The following CAMK4 variants were observed in gnomAD, a reference collection of about 807,000 sequenced individuals.
The protein encoded by CAMK4 is calcium/calmodulin-dependent protein kinase type IV.
Under a neutral mutation model 44.9 loss-of-function variants are expected in CAMK4, and 22 were observed. The ratio of observed to expected loss-of-function variants is 0.49; its 90% CI spans 0.35 to 0.70. The LOEUF (loss-of-function observed/expected upper bound fraction) is 0.70, where lower values mean the gene tolerates loss of function less well. Ranked by LOEUF, CAMK4 falls within the 30% of genes least tolerant of loss-of-function variation. The pLI is 0.01. For synonymous variants in CAMK4, 218 were observed against 215.4 expected, an observed-to-expected ratio of 1.01 and a Z score of -0.11; for missense variants, 498 against 586.8, an observed-to-expected ratio of 0.85 and a Z score of 1.56.
chr5:111,387,845 T>G (rs1400293863), intron 4 of CAMK4, among the ~76,000 whole-genome samples: 2 of 152,228 alleles, frequency 1.3e-5, no homozygotes, highest in African/African-American at 4.8e-5. Context: ...CATCTACTGA[T>G]GTCATACAAC....
chr5:111,294,869 C>G (rs1463233085), intron 1 of CAMK4, among the ~76,000 whole-genome samples: 1 of 152,104 alleles, frequency 6.6e-6, no homozygotes, highest in Non-Finnish European at 1.5e-5. Flanking sequence ...TATTAAATTG[C>G]TGCAGATGCT....
At chr5:111,351,013 C>CAA (rs1214403006) in intron 2 of CAMK4, among the ~76,000 whole-genome samples, 1 of 152,070 alleles carries the variant, frequency 6.6e-6, no homozygotes, top group African/African-American at 2.4e-5. Context: ...TCAGATTTCT[C>CAA]AGTTTTAAAA....
chr5:111,321,281 G>T (rs372406260), intron 1 of CAMK4, among the ~76,000 whole-genome samples: 2 of 152,100 alleles, frequency 1.3e-5, no homozygotes, highest in African/African-American at 4.8e-5. Context: ...AGTTAGTGTT[G>T]CTGTATTCAA....
At chr5:111,273,601 C>G (rs569483824) in intron 1 of CAMK4, among the ~76,000 whole-genome samples, 1 of 148,180 alleles carries the variant, frequency 6.7e-6, no homozygotes, top group Non-Finnish European at 1.5e-5. Flanking sequence ...GACTGCTTTT[C>G]TCTGTCCCAG....
At chr5:111,229,967 A>AGTACTTAACAG (rs2112492983) in intron 1 of CAMK4, among the ~76,000 whole-genome samples, 1 of 152,304 alleles carries the variant, frequency 6.6e-6, no homozygotes, top group East Asian at 1.9e-4. Context: ...CAGAGCACTT[A>AGTACTTAACAG]GTACTTAACA....
In CAMK4 at chr5:111,224,499, G is replaced by A. The variant is rs748901600; in HGVS notation, c.16G>A (p.Val6Met). 1.2e-6 allele frequency: 2 copies of A among 1,607,256 alleles called. No individual in the cohort carries two copies. The highest frequency in any genetic ancestry group is 4.5e-5 in the East Asian group (2 of 44,268). Residue 6 changes from valine (V) to methionine (M), a missense_variant, in exon 1 of 11, where the codon GTG (valine) becomes ATG (methionine). Transcript: ENST00000282356. The surrounding 1 kb of genome is among the most constrained non-coding windows in gnomAD (Gnocchi z 5.7). Reference sequence around the variant, plus strand: ...CGCTGCGAAGATGCTCAAAGTCACGGTGCCCTCCTGCTCCGCCTCGTCCTG... The same window carrying A: ...CGCTGCGAAGATGCTCAAAGTCACGATGCCCTCCTGCTCCGCCTCGTCCTG... The part of the protein sequence containing the change: MLKVT[V>M]PSCSASSCSS...
At chr5:111,362,982 A>G (rs1425680623) in intron 2 of CAMK4, among the ~76,000 whole-genome samples, 3 of 152,098 alleles carry the variant, frequency 2.0e-5, no homozygotes, top group African/African-American at 7.2e-5. Context: ...GATACAAATG[A>G]TGGAACACTC....
At chr5:111,235,473 G>C (rs1332813988) in intron 1 of CAMK4, among the ~76,000 whole-genome samples, 1 of 152,116 alleles carries the variant, frequency 6.6e-6, no homozygotes, top group Admixed American at 6.5e-5. Context: ...GGGACCCTGG[G>C]CTCTTCCTCT....
chr5:111,364,050 T>C (rs1750698145), intron 2 of CAMK4, among the ~76,000 whole-genome samples: 1 of 152,060 alleles, frequency 6.6e-6, no homozygotes, highest in African/African-American at 2.4e-5. Context: ...TGACATGAAA[T>C]AATCCATTTT....
intron 1 of CAMK4, among the ~76,000 whole-genome samples, chr5:111,265,139 G>T (rs920867836): frequency 6.6e-6 from 1 of 152,038 alleles, no homozygotes; most frequent in Non-Finnish European, 1.5e-5. Context: ...TGAAGGCAAG[G>T]ATCTTGCCTA....
chr5:111,311,275 A>T (rs535460612), intron 1 of CAMK4, among the ~76,000 whole-genome samples: 1 of 152,318 alleles, frequency 6.6e-6, no homozygotes, highest in Non-Finnish European at 1.5e-5. Context: ...TGGCAGATGG[A>T]GGGGCTGCCT....
chr5:111,432,919 A>C (rs1753509471), intron 5 of CAMK4, among the ~76,000 whole-genome samples: 1 of 152,156 alleles, frequency 6.6e-6, no homozygotes, highest in African/African-American at 2.4e-5. Context: ...GAGATGAATA[A>C]GACAAATCCT....
chr5:111,453,287 G>A (rs1180124697), intron 7 of CAMK4, among the ~76,000 whole-genome samples: 1 of 152,186 alleles, frequency 6.6e-6, no homozygotes, highest in Non-Finnish European at 1.5e-5. Context: ...ATAACCTAGA[G>A]CAGAGGCAAT....
intron 1 of CAMK4, among the ~76,000 whole-genome samples, chr5:111,247,192 G>A (rs1222766481): frequency 4.0e-5 from 6 of 151,308 alleles, no homozygotes; most frequent in Non-Finnish European, 8.8e-5. Context: ...TATGTATGTA[G>A]TGTATGTGTA....
In CAMK4 at chr5:111,492,362, A is replaced by T. The variant is rs1755877583; in HGVS notation, c.*7896A>T. 1 of 152,168 alleles carries T rather than the reference A, an allele frequency of 6.6e-6. No homozygotes were observed. Among genetic ancestry groups the T allele is most frequent in the Admixed American group, 6.5e-5 (1 of 15,272 alleles). 9.4% of individuals were successfully genotyped at this position (152,168 alleles called of 1,614,324 possible). ...TCAATAATATAATATAGCCACTAGG[A>T]TACACTCGCTGTAGAACTCAGAACA... On this transcript the variant is annotated 3_prime_UTR_variant, in exon 11 of 11. Coordinates refer to ENST00000282356, the MANE Select transcript of CAMK4 (RefSeq NM_001744.6).
intron 7 of CAMK4, among the ~76,000 whole-genome samples, chr5:111,471,413 A>G (rs1181998824): frequency 6.6e-6 from 1 of 152,174 alleles, no homozygotes; most frequent in South Asian, 2.1e-4. Flanking sequence ...CCCTTCTTAA[A>G]ATGAGTTATC....
chr5:111,354,377 G>C (rs1750236760), intron 2 of CAMK4, among the ~76,000 whole-genome samples: 1 of 150,048 alleles, frequency 6.7e-6, no homozygotes, highest in African/African-American at 2.5e-5. Context: ...AGTATGGGAA[G>C]TATAATTAAT....
At chr5:111,239,043 T>C (rs1748872562) in intron 1 of CAMK4, among the ~76,000 whole-genome samples, 1 of 151,834 alleles carries the variant, frequency 6.6e-6, no homozygotes, top group Non-Finnish European at 1.5e-5. Context: ...CACGGGATTT[T>C]TTGTTGCCAA....
In CAMK4 at chr5:111,482,388, A is replaced by G. The variant is rs1042292171; in HGVS notation, c.829-397A>G. On this transcript the variant is annotated intron_variant, in intron 9 of 10. Coordinates refer to ENST00000282356, the MANE Select transcript of CAMK4 (RefSeq NM_001744.6). This position sits in a 1 kb window ranked among gnomAD's most constrained non-coding sequence, Gnocchi z 4.9. ...ATCCCCACAGAAAGAATGATGATGC[A>G]TGAATGATTCCATTCTGTTACCATA... 1.3e-5 allele frequency: 2 copies of G among 155,898 alleles called. No individual in the cohort carries two copies. Among genetic ancestry groups the G allele is most frequent in the Non-Finnish European group, 1.4e-5 (1 of 70,678 alleles). 9.7% of individuals were successfully genotyped at this position (155,898 alleles called of 1,614,324 possible).
Sources: gnomAD v4.1 joint callset for allele counts (sites outside exome capture counted in the v4.1 genomes callset) on GRCh38, gnomAD v4.1.1 for gene constraint, Gnocchi (gnomAD v3.1) non-coding constraint, MANE v1.5 for transcripts, NCBI Gene and HGNC (gene_info 2026-07-23, HGNC 2026-07-21) for gene names.